CLEC1A: variants seen among roughly 807,000 people sequenced by gnomAD.
CLEC1A encodes the protein C-type lectin-like receptor-1.
Under a neutral mutation model 28.7 loss-of-function variants are expected in CLEC1A, and 34 were observed. That is an observed-to-expected ratio of 1.18 (90% confidence interval 0.90 to 1.57). The LOEUF (loss-of-function observed/expected upper bound fraction) is 1.57, where lower values mean the gene tolerates loss of function less well. Ranked by LOEUF, CLEC1A falls within the 40% of genes most tolerant of loss-of-function variation. CLEC1A has a pLI of 0.00. For synonymous variants in CLEC1A, 116 were observed against 121.0 expected (o/e 0.96, Z 0.27); for missense variants, 385 against 339.5 (o/e 1.13, Z -1.05).
At chr12:10,076,820 T>C (rs1006065360) in intron 3 of CLEC1A, among the ~76,000 whole-genome samples, 2 of 152,152 alleles carry the variant, frequency 1.3e-5, no homozygotes, top group African/African-American at 4.8e-5. Flanking sequence ...CTTAGATGGG[T>C]GATATATGCT....
chr12:10,082,877 C>A (rs186199073), intron 2 of CLEC1A, among the ~76,000 whole-genome samples: 3 of 152,356 alleles, frequency 2.0e-5, no homozygotes, highest in East Asian at 1.9e-4. Context: ...AACTTCACTG[C>A]TAGCATAACC....
chr12:10,079,197 A>G (rs1416243849), intron 3 of CLEC1A, among the ~76,000 whole-genome samples: 1 of 152,180 alleles, frequency 6.6e-6, no homozygotes, highest in Non-Finnish European at 1.5e-5. Flanking sequence ...TCAGATATGC[A>G]TCAGTAGGCA....
intron 1 of CLEC1A, among the ~76,000 whole-genome samples, chr12:10,090,152 C>T (rs1866583206): frequency 1.3e-5 from 2 of 152,160 alleles, no homozygotes; most frequent in African/African-American, 4.8e-5. Context: ...CTCTTTGTAG[C>T]CCGTTAGTTC....
intron 3 of CLEC1A, 42 bp from the exon 4 acceptor site, chr12:10,075,697 C>T: frequency 6.4e-7 from 1 of 1,568,614 alleles, no homozygotes; most frequent in East Asian, 2.2e-5. Flanking sequence ...CTGCATGAGT[C>T]TGTCTTGCTC....
rs150688729 is a variant in CLEC1A, at chr12:10,090,650, C to T, written c.116-1428G>A. ...AATATAGAAATAGACAGTATAATTA[C>T]TATCCTCTGGAACTTACAATCTAGT... On this transcript the variant is annotated intron_variant, in intron 1 of 5. Transcript: ENST00000315330. Among the ~76,000 whole-genome samples, 187 of 152,016 alleles carry T rather than the reference C, an allele frequency of 1.2e-3. 1 individual carries two copies. The highest frequency in any genetic ancestry group is 1.1e-3 in the Admixed American group (17 of 15,264).
At chr12:10,077,378 C>G (rs1866272899) in intron 3 of CLEC1A, among the ~76,000 whole-genome samples, 1 of 151,986 alleles carries the variant, frequency 6.6e-6, no homozygotes, top group Non-Finnish European at 1.5e-5. Flanking sequence ...CCCTCCATTC[C>G]AGCCTAGACA....
rs1431529802 is a variant in CLEC1A at position 10,075,515 on chromosome 12, G to A, written c.532C>T (p.Gln178Ter). The A allele has an allele frequency of 6.2e-7, 1 of 1,613,692 alleles. No individual in the cohort carries two copies. The highest frequency in any genetic ancestry group is 1.7e-5 in the Admixed American group (1 of 59,950). Reference sequence around the variant, plus strand: ...CCTCAGAATCTTACCAGGTCTTCTTGTTTGTTTATCTTCAGCATGGTAGAG... The same window carrying A: ...CCTCAGAATCTTACCAGGTCTTCTTATTTGTTTATCTTCAGCATGGTAGAG... ...ENSTMLKINK[Q>*]EDLEFAASQS... The change falls in exon 4 of 6, where the codon CAA becomes TAA. Residue 178 changes from glutamine (Q) to a stop codon, truncating the protein, a stop_gained. Transcript: ENST00000315330. LOFTEE classifies it high-confidence loss of function.
chr12:10,079,830 TTAAAAA>T, intron 3 of CLEC1A, among the ~76,000 whole-genome samples: 1 of 151,524 alleles, frequency 6.6e-6, no homozygotes, highest in African/African-American at 2.4e-5. Flanking sequence ...AAAAAAAAAA[TTAAAAA>T]TAAAAGTAAA....
At chr12:10,078,098 A>T (rs982734584) in intron 3 of CLEC1A, among the ~76,000 whole-genome samples, 35 of 152,220 alleles carry the variant, frequency 2.3e-4, no homozygotes, top group African/African-American at 8.4e-4. Flanking sequence ...CCTAGATTTT[A>T]GTAACAGCCA....
At chr12:10,072,937 G>T (rs1866164838) in intron 5 of CLEC1A, among the ~76,000 whole-genome samples, 1 of 152,110 alleles carries the variant, frequency 6.6e-6, no homozygotes, top group Non-Finnish European at 1.5e-5. Flanking sequence ...AAAATTAGCT[G>T]CATGTAGTGG....
chr12:10,072,236 C>T (rs1405001128), intron 5 of CLEC1A, among the ~76,000 whole-genome samples: 1 of 152,158 alleles, frequency 6.6e-6, no homozygotes, highest in Non-Finnish European at 1.5e-5. Flanking sequence ...CTTGCTTCGC[C>T]TTCTGCCATG....
At chr12:10,081,214 C>T in intron 3 of CLEC1A, 23 bp downstream of exon 3, 2 of 1,522,134 alleles carry the variant, frequency 1.3e-6, no homozygotes, top group Non-Finnish European at 8.8e-7. Context: ...AACATGGGGA[C>T]AGAGTGACCA....
chr12:10,080,038 G>A (rs1416117342), intron 3 of CLEC1A, among the ~76,000 whole-genome samples: 1 of 152,056 alleles, frequency 6.6e-6, no homozygotes, highest in South Asian at 2.1e-4. Flanking sequence ...GCTGGGCACG[G>A]TAGTTTACGC....
chr12:10,071,660 T>C, intron 5 of CLEC1A, 147 bp from the exon 6 acceptor site: 1 of 616,528 alleles, frequency 1.6e-6, no homozygotes, highest in East Asian at 3.2e-5. Flanking sequence ...CTCTTTCTCT[T>C]CAGCCCCTAA....
Position 10,089,215 on chromosome 12 carries a change from C to T in CLEC1A, c.123G>A (p.Arg41=). The change falls in exon 2 of 6, where the codon AGG becomes AGA. Residue 41 remains arginine (R), a synonymous_variant. Transcript: ENST00000315330. ...RHPEPRRTEH[R]APSSTWRPVA... Reference sequence around the variant, plus strand: ...CTGGTCGCCACGTTGAAGAGGGAGCCCTGTGCTCTGCAGGGAACAGAAGAG... The same window carrying T: ...CTGGTCGCCACGTTGAAGAGGGAGCTCTGTGCTCTGCAGGGAACAGAAGAG... 1 of 1,613,818 alleles carries T rather than the reference C, an allele frequency of 6.2e-7. No homozygotes were observed. Among genetic ancestry groups the T allele is most frequent in the Non-Finnish European group, 8.5e-7 (1 of 1,179,786 alleles).
intron 4 of CLEC1A, 82 bp downstream of exon 4, chr12:10,075,422 T>A: frequency 1.4e-6 from 2 of 1,450,424 alleles, no homozygotes; most frequent in Non-Finnish European, 1.9e-6. Context: ...CCGATATTCT[T>A]GATCCTTAGA....
rs369664338 is a variant in CLEC1A at position 10,071,294 on chromosome 12, G to A, written c.*39C>T. The A allele has an allele frequency of 2.3e-5, 37 of 1,588,688 alleles. No homozygotes were observed. Among genetic ancestry groups the A allele is most frequent in the African/African-American group, 1.5e-4 (11 of 74,386 alleles). On this transcript the variant is annotated 3_prime_UTR_variant, in exon 6 of 6. Transcript: ENST00000315330. ...CTCAACTAGCCCTTGCTTTGGCACC[G>A]CCTGGCTCACTCTGCTATTTGTAGT... is the stretch of plus-strand genomic sequence containing the variant.
At chr12:10,098,720 G>A (rs117983114) in intron 1 of CLEC1A, 88 bp downstream of exon 1, 347 of 794,602 alleles carry the variant, frequency 4.4e-4, no homozygotes, top group Non-Finnish European at 5.1e-4. Context: ...TAAGATGCAA[G>A]CTAAATATCT....
At position 10,071,356 on chromosome 12, in the gene CLEC1A, CA is replaced by C. The variant is rs763510048; in HGVS notation, c.819del (p.Glu274LysfsTer3). ...MVKPESLHVP[P>X]ETLGEGD ...AATCAGTCACCTTCGCCTAATGTTTCAGGGGGGACATGGAGGCTCTCTGGCT... is the reference window on the plus strand; with the variant it reads ...AATCAGTCACCTTCGCCTAATGTTTCGGGGGGACATGGAGGCTCTCTGGCT... On this transcript the variant is annotated frameshift_variant, in exon 6 of 6. Coordinates refer to ENST00000315330, the MANE Select transcript of CLEC1A (RefSeq NM_016511.4). LOFTEE classifies it low-confidence loss of function (END_TRUNC). 2.2e-5 allele frequency: 35 copies of C among 1,613,668 alleles called. No individual in the cohort carries two copies. The highest frequency in any genetic ancestry group is 3.0e-5 in the Non-Finnish European group (35 of 1,179,776).
Sources: allele counts gnomAD v4.1 joint callset (sites outside exome capture counted in the v4.1 genomes callset), GRCh38; gene constraint gnomAD v4.1.1; transcripts MANE v1.5; gene names NCBI Gene and HGNC (gene_info 2026-07-23, HGNC 2026-07-21).